The following TANC2 variants were observed in gnomAD, a reference collection of about 807,000 sequenced individuals.
TANC2 encodes the protein protein TANC2.
A neutral mutation model predicts 210.5 loss-of-function variants in TANC2; 26 were observed. That is an observed-to-expected ratio of 0.12 (90% confidence interval 0.09 to 0.17). The LOEUF (loss-of-function observed/expected upper bound fraction) is 0.17. TANC2 is among the 10% of genes least tolerant of loss of function. The pLI is 1.00. For synonymous variants in TANC2, 931 were observed against 967.1 expected (o/e 0.96, Z 0.69); for missense variants, 2,129 against 2,608.9 (o/e 0.82, Z 4.01).
chr17:63,047,176 TA>T (rs1428766440), intron 2 of TANC2, among the ~76,000 whole-genome samples: 1 of 152,218 alleles, frequency 6.6e-6, no homozygotes, highest in Non-Finnish European at 1.5e-5. Flanking sequence ...GTGTCTGCTT[TA>T]GACATCTGAA....
intron 7 of TANC2, among the ~76,000 whole-genome samples, chr17:63,213,889 C>T (rs2041955850): frequency 2.0e-5 from 3 of 152,120 alleles, no homozygotes; most frequent in Admixed American, 1.3e-4. Context: ...ACTGCCTTAG[C>T]ATATATTTCT....
chr17:63,312,415 A>G (rs1239913087), intron 9 of TANC2, among the ~76,000 whole-genome samples: 1 of 152,172 alleles, frequency 6.6e-6, no homozygotes, highest in Admixed American at 6.5e-5. Flanking sequence ...CCTTTGCAGG[A>G]TCATGGATGC....
intron 4 of TANC2, among the ~76,000 whole-genome samples, chr17:63,123,895 G>T (rs943700830): frequency 3.3e-5 from 5 of 151,704 alleles, no homozygotes; most frequent in African/African-American, 1.2e-4. Context: ...TAGAGATGGG[G>T]TTTCACCATC....
chr17:63,046,829 A>G (rs2035402431), intron 2 of TANC2, among the ~76,000 whole-genome samples: 1 of 152,196 alleles, frequency 6.6e-6, no homozygotes, highest in Non-Finnish European at 1.5e-5. Context: ...GAAAAAACAA[A>G]TTTGAGGAAT....
At chr17:63,071,598 G>A (rs941275064) in intron 2 of TANC2, among the ~76,000 whole-genome samples, 2 of 152,130 alleles carry the variant, frequency 1.3e-5, no homozygotes, top group African/African-American at 4.8e-5. Flanking sequence ...GTCAAGAGAA[G>A]CTCTCTTTTA....
chr17:63,394,105 CAG>C (rs746294509), intron 17 of TANC2, among the ~76,000 whole-genome samples: 39 of 152,258 alleles, frequency 2.6e-4, no homozygotes, highest in Non-Finnish European at 4.0e-4. Context: ...GTTTGCCTAA[CAG>C]TGATTTTCTA....
At position 63,184,014 on chromosome 17, in the gene TANC2, C is replaced by CAAAAAAAAAAAAA. The variant is rs570141267; in HGVS notation, c.434-9976_434-9964dup. ...CCTGGGCGACAGCGAGACTCCGTCT[C>CAAAAAAAAAAAAA]AAAAAAAAAAAAAGAAATGCAAATG... On this transcript the variant is annotated intron_variant, in intron 5 of 27. Transcript: ENST00000689528. Among the ~76,000 whole-genome samples the CAAAAAAAAAAAAA allele has an allele frequency of 4.8e-3, 568 of 117,326 alleles. 3 individuals are homozygous for CAAAAAAAAAAAAA. Among genetic ancestry groups the CAAAAAAAAAAAAA allele is most frequent in the African/African-American group, 0.017 (526 of 31,522 alleles). The allele number at this position is 117,326 out of a possible 152,430, so 77.0% of individuals were successfully genotyped here.
rs185930562 is a variant in TANC2 at position 63,017,155 on chromosome 17, A to G, written c.67+7529A>G. 3.3e-5 allele frequency among the ~76,000 whole-genome samples: 5 copies of G among 152,270 alleles called. No individual in the cohort carries two copies. In the East Asian group the frequency reaches 7.7e-4, roughly 24 times the overall value. ...TTCATTCTTTTGCATGTGGAAATCT[A>G]ATTTCCCTAGCACTGTTTTTTGAAG... On this transcript the variant is annotated intron_variant, in intron 2 of 27. Transcript: ENST00000689528.
chr17:63,111,065 C>T (rs1193106589), intron 4 of TANC2, among the ~76,000 whole-genome samples: 1 of 152,152 alleles, frequency 6.6e-6, no homozygotes, highest in Non-Finnish European at 1.5e-5. Context: ...GTAATCCCAG[C>T]AATTTGGGAG....
At chr17:63,273,917 G>C (rs995978689) in intron 9 of TANC2, among the ~76,000 whole-genome samples, 6 of 152,330 alleles carry the variant, frequency 3.9e-5, no homozygotes, top group African/African-American at 1.4e-4. Flanking sequence ...TGATTTTGCA[G>C]ATCACACTTT....
At position 63,283,228 on chromosome 17, in the gene TANC2, A is replaced by G. The variant is rs189645486; in HGVS notation, c.1159+15355A>G. Among the ~76,000 whole-genome samples, 339 of 152,092 alleles carry G rather than the reference A, an allele frequency of 2.2e-3. 5 individuals are homozygous for G. The highest frequency in any genetic ancestry group is 9.7e-4 in the Non-Finnish European group (66 of 67,880). The stretch of plus-strand genomic sequence containing the variant: ...TCCCGCACCATTTGTTGTAAAGACT[A>G]TTCATCTACTGGATTCCTTTTGTAC... On this transcript the variant is annotated intron_variant, in intron 9 of 27. Coordinates refer to ENST00000689528, the Ensembl canonical transcript of TANC2.
chr17:63,145,046 A>C (rs922622825), intron 4 of TANC2, among the ~76,000 whole-genome samples: 5 of 148,946 alleles, frequency 3.4e-5, no homozygotes, highest in Non-Finnish European at 7.5e-5. Context: ...TGTGTGCTTT[A>C]TTTTATTTTT....
intron 5 of TANC2, among the ~76,000 whole-genome samples, chr17:63,184,655 CTTT>C (rs202114362): frequency 2.1e-5 from 3 of 140,110 alleles, no homozygotes; most frequent in East Asian, 2.1e-4. Context: ...AGTATGTATT[CTTT>C]TTTTTTTTTT....
intron 5 of TANC2, among the ~76,000 whole-genome samples, chr17:63,188,895 C>A (rs992393403): frequency 1.4e-5 from 2 of 139,408 alleles, no homozygotes; most frequent in African/African-American, 5.2e-5. Context: ...ATTTTTATCA[C>A]CCCCCCCCAA....
chr17:63,334,587 A>G (rs2045965147), intron 11 of TANC2, among the ~76,000 whole-genome samples: 1 of 152,232 alleles, frequency 6.6e-6, no homozygotes, highest in African/African-American at 2.4e-5. Context: ...ATACTGCTGC[A>G]GACAAGATCC....
At chr17:63,143,637 A>G (rs951161774) in intron 4 of TANC2, among the ~76,000 whole-genome samples, 22 of 152,198 alleles carry the variant, frequency 1.4e-4, no homozygotes, top group Non-Finnish European at 2.5e-4. Flanking sequence ...ATATGCTAGT[A>G]TACCTTCTCA....
chr17:63,078,568 TTTAG>T (rs1281741381), intron 3 of TANC2, among the ~76,000 whole-genome samples: 4 of 152,188 alleles, frequency 2.6e-5, no homozygotes, highest in Non-Finnish European at 5.9e-5. Flanking sequence ...TGTTTACTGC[TTTAG>T]TTAGTTACAT....
intron 17 of TANC2, among the ~76,000 whole-genome samples, chr17:63,393,810 G>A (rs2048063879): frequency 2.0e-5 from 3 of 148,542 alleles, no homozygotes; most frequent in South Asian, 2.1e-4. Flanking sequence ...CACTCTTGTC[G>A]CCCAGGCTGG....
intron 7 of TANC2, among the ~76,000 whole-genome samples, chr17:63,220,711 A>AT (rs1466658581): frequency 1.5e-4 from 19 of 128,722 alleles, no homozygotes; most frequent in South Asian, 1.3e-3. Flanking sequence ...CTCAAAAAAA[A>AT]AAAAAAAAAT....
Sources: gnomAD v4.1 joint callset for allele counts (sites outside exome capture counted in the v4.1 genomes callset) on GRCh38, gnomAD v4.1.1 for gene constraint, MANE v1.5 for transcripts, NCBI Gene and HGNC (gene_info 2026-07-23, HGNC 2026-07-21) for gene names.